FHAD1: variants seen among roughly 807,000 people sequenced by gnomAD.
FHAD1 encodes forkhead-associated domain-containing protein 1.
In FHAD1, 146 loss-of-function variants were observed where a neutral mutation model predicts 191.3. The ratio of observed to expected loss-of-function variants is 0.76; its 90% CI spans 0.67 to 0.88. FHAD1 has a LOEUF of 0.88. Ranked by LOEUF, FHAD1 falls within the 40% of genes least tolerant of loss-of-function variation. FHAD1 has a pLI of 0.00. For synonymous variants in FHAD1, 616 were observed against 672.3 expected, an observed-to-expected ratio of 0.92 and a Z score of 1.29; for missense variants, 1,635 against 1,785.8, an observed-to-expected ratio of 0.92 and a Z score of 1.52.
rs769296991 is a variant in FHAD1, at chr1:15,341,840, A to C, written c.2082A>C (p.Gln694His). 6.4e-7 allele frequency: 1 copy of C among 1,551,752 alleles called. No individual in the cohort carries two copies. Among genetic ancestry groups the C allele is most frequent in the South Asian group, 1.2e-5 (1 of 84,046 alleles). The change falls in exon 16 of 34, where the codon CAA (glutamine) becomes CAC (histidine). Residue 694 changes from glutamine (Q) to histidine (H), a missense_variant. Gln to His is a conservative substitution (Grantham distance 24). Coordinates refer to ENST00000688493, the MANE Select transcript of FHAD1 (RefSeq NM_001391957.1). Reference sequence around the variant, plus strand: ...AGCTGAACGAGGAGAGGCTAGAGCAAGAGGAGAAGCTCAAAGCCAAAATCA... The same window carrying C: ...AGCTGAACGAGGAGAGGCTAGAGCACGAGGAGAAGCTCAAAGCCAAAATCA... ...KEKLNEERLE[Q>H]EEKLKAKIRQ... is the part of the protein sequence containing the mutation.
intron 14 of FHAD1, among the ~76,000 whole-genome samples, chr1:15,333,194 G>C (rs115348255): frequency 0.018 from 2,735 of 152,222 alleles, 39 homozygotes; most frequent in Non-Finnish European, 0.028. Context: ...TCTAATACAA[G>C]CAATATTACG....
At chr1:15,282,114 T>G (rs1474248952) in intron 3 of FHAD1, among the ~76,000 whole-genome samples, 1 of 152,182 alleles carries the variant, frequency 6.6e-6, no homozygotes, top group Non-Finnish European at 1.5e-5. Flanking sequence ...TGCCCCAGGC[T>G]CATAGTGTAT....
chr1:15,338,517 G>A (rs1685185037), intron 14 of FHAD1, among the ~76,000 whole-genome samples: 1 of 152,072 alleles, frequency 6.6e-6, no homozygotes, highest in Admixed American at 6.6e-5. Context: ...ACCCCATCTC[G>A]AAATCCTTAA....
intron 15 of FHAD1, 37 bp from the exon 16 acceptor site, chr1:15,341,699 C>T (rs768186580): frequency 1.3e-5 from 20 of 1,520,746 alleles, no homozygotes; most frequent in South Asian, 2.5e-5. Context: ...TTAGGCCTGT[C>T]CCCCATCAGC....
intron 10 of FHAD1, among the ~76,000 whole-genome samples, chr1:15,321,268 A>C (rs1250182141): frequency 2.0e-5 from 3 of 152,164 alleles, no homozygotes; most frequent in Non-Finnish European, 1.5e-5. Flanking sequence ...TTGCCCCCGT[A>C]CTAGCTTGGA....
At chr1:15,308,022 G>T (rs916051750) in intron 6 of FHAD1, among the ~76,000 whole-genome samples, 3 of 152,140 alleles carry the variant, frequency 2.0e-5, no homozygotes, top group African/African-American at 7.2e-5. Flanking sequence ...GAGCCACTGC[G>T]CCCGGCCTAA....
intron 31 of FHAD1, among the ~76,000 whole-genome samples, chr1:15,387,383 C>T (rs1200386746): frequency 2.0e-5 from 3 of 152,130 alleles, no homozygotes; most frequent in African/African-American, 4.8e-5. Context: ...GTGGTAACCA[C>T]GCGCCCTCAC....
At chr1:15,392,561 T>C (rs1283761674) in intron 33 of FHAD1, among the ~76,000 whole-genome samples, 1 of 152,052 alleles carries the variant, frequency 6.6e-6, no homozygotes, top group East Asian at 1.9e-4. Flanking sequence ...CCAGGTTCCT[T>C]GAAATACATA....
At chr1:15,342,221 C>T (rs1312655734) in intron 16 of FHAD1, among the ~76,000 whole-genome samples, 1 of 152,172 alleles carries the variant, frequency 6.6e-6, no homozygotes, top group Non-Finnish European at 1.5e-5. Context: ...TAAATGTGCG[C>T]AAGATCAACT....
chr1:15,306,318 C>A (rs574158037), intron 6 of FHAD1, among the ~76,000 whole-genome samples: 2 of 152,142 alleles, frequency 1.3e-5, no homozygotes, highest in Non-Finnish European at 2.9e-5. Context: ...TAAAAGCATT[C>A]CATTTTAAAA....
In FHAD1 at chr1:15,254,454, G is replaced by A. The variant is rs149812342; in HGVS notation, c.93+2577G>A. Among the ~76,000 whole-genome samples the A allele has an allele frequency of 7.9e-4, 120 of 152,156 alleles. 2 individuals are homozygous for A. The East Asian group carries it at 9.7e-3, about 12-fold the overall frequency. On this transcript the variant is annotated intron_variant, in intron 2 of 33. Transcript: ENST00000688493. The stretch of plus-strand genomic sequence containing the variant: ...TGGCATATGGTACTAAGTAAATGAC[G>A]CCACAATCGTTATTATGGTCACATA...
intron 14 of FHAD1, among the ~76,000 whole-genome samples, chr1:15,333,820 T>G (rs1345888213): frequency 1.4e-5 from 2 of 146,510 alleles, no homozygotes; most frequent in Admixed American, 1.4e-4. Flanking sequence ...TTTATTTTAT[T>G]TATCTTTTTT....
intron 14 of FHAD1, among the ~76,000 whole-genome samples, chr1:15,332,547 A>C (rs559328047): frequency 9.9e-5 from 15 of 152,264 alleles, no homozygotes; most frequent in African/African-American, 3.4e-4. Flanking sequence ...TCATCTCCAA[A>C]AAATTTAAAA....
intron 2 of FHAD1, among the ~76,000 whole-genome samples, chr1:15,269,683 A>G (rs1655057511): frequency 6.6e-6 from 1 of 152,110 alleles, no homozygotes; most frequent in Admixed American, 6.6e-5. Flanking sequence ...TTGTTGATTG[A>G]CGGTGTTGTT....
At chr1:15,357,829 C>T in intron 20 of FHAD1, 1 of 283,140 alleles carries the variant, frequency 3.5e-6, no homozygotes, top group Non-Finnish European at 6.4e-6. Flanking sequence ...ATTTAAAGGG[C>T]TGTCTCATAA....
chr1:15,345,560 C>A, intron 18 of FHAD1, 37 bp downstream of exon 18: 4 of 1,491,800 alleles, frequency 2.7e-6, no homozygotes, highest in South Asian at 1.2e-5. Context: ...GAGCCCCAGT[C>A]GGCTTGAGGG....
At chr1:15,302,468 G>A (rs1397013775) in intron 6 of FHAD1, among the ~76,000 whole-genome samples, 5 of 152,126 alleles carry the variant, frequency 3.3e-5, no homozygotes, top group African/African-American at 4.8e-5. Flanking sequence ...GCGCACGCCT[G>A]TAATCCCAGC....
At chr1:15,376,005 T>A (rs961779182) in intron 28 of FHAD1, among the ~76,000 whole-genome samples, 1 of 151,894 alleles carries the variant, frequency 6.6e-6, no homozygotes, top group South Asian at 2.1e-4. Context: ...AGATCATGTA[T>A]GATATTCTTT....
At chr1:15,402,854 C>G (rs930578388), downstream of FHAD1, 1 of 152,210 alleles carries the variant, frequency 6.6e-6, no homozygotes, top group Non-Finnish European at 1.5e-5. Flanking sequence ...GGATGACAGA[C>G]TTTTTCTGTA....
Sources: allele counts gnomAD v4.1 joint callset (sites outside exome capture counted in the v4.1 genomes callset), GRCh38; gene constraint gnomAD v4.1.1; transcripts MANE v1.5; gene names NCBI Gene and HGNC (gene_info 2026-07-23, HGNC 2026-07-21).